PLD5: variants seen among roughly 807,000 people sequenced by gnomAD.
PLD5 encodes the protein phospholipase D family member 5.
PLD5 carries 36 observed loss-of-function variants against 61.1 expected under a neutral mutation model. That is an observed-to-expected ratio of 0.59 (90% confidence interval 0.45 to 0.78). The LOEUF (loss-of-function observed/expected upper bound fraction) is 0.78, where lower values mean the gene tolerates loss of function less well. Among genes scored for constraint, PLD5 ranks in the 30% least tolerant of loss-of-function variants. The probability of loss-of-function intolerance (pLI) is 0.00; values close to 1 mark genes in which losing one functional copy is unlikely to be tolerated. For synonymous variants in PLD5, 243 were observed against 242.8 expected, an observed-to-expected ratio of 1.00 and a Z score of -0.01; for missense variants, 515 against 644.4, an observed-to-expected ratio of 0.80 and a Z score of 2.17.
At chr1:242,195,172 T>C (rs316830) in intron 5 of PLD5, among the ~76,000 whole-genome samples, 4,912 of 152,312 alleles carry the variant, frequency 0.032, 265 homozygotes, top group African/African-American at 0.11. Context: ...CTCAGCAATA[T>C]GCTTTTTAGG....
intron 1 of PLD5, among the ~76,000 whole-genome samples, chr1:242,467,524 A>G (rs1667313372): frequency 6.6e-6 from 1 of 152,168 alleles, no homozygotes; most frequent in African/African-American, 2.4e-5. Flanking sequence ...TCCTGTAGCA[A>G]TCTCGTTTCT....
intron 1 of PLD5, among the ~76,000 whole-genome samples, chr1:242,484,788 A>C (rs2102967615): frequency 6.6e-6 from 1 of 152,370 alleles, no homozygotes; most frequent in South Asian, 2.1e-4. Flanking sequence ...ATCCCTGATG[A>C]ACATCGATGC....
intron 1 of PLD5, among the ~76,000 whole-genome samples, chr1:242,510,495 C>T (rs1241275288): frequency 6.6e-6 from 1 of 152,210 alleles, no homozygotes; most frequent in Non-Finnish European, 1.5e-5. Context: ...TCTCCATCAT[C>T]TGAATGAGAG....
intron 1 of PLD5, among the ~76,000 whole-genome samples, chr1:242,353,088 GA>G: frequency 6.6e-6 from 1 of 152,116 alleles, no homozygotes. Flanking sequence ...CTTTCGAGGT[GA>G]AATGTAAAAA....
chr1:242,160,443 G>A (rs1301227885), intron 5 of PLD5, among the ~76,000 whole-genome samples: 2 of 152,130 alleles, frequency 1.3e-5, no homozygotes, highest in Non-Finnish European at 2.9e-5. Context: ...TAACATTCCT[G>A]AGATAACAGG....
At chr1:242,462,757 C>T (rs1328969067) in intron 1 of PLD5, among the ~76,000 whole-genome samples, 2 of 152,160 alleles carry the variant, frequency 1.3e-5, no homozygotes, top group Non-Finnish European at 2.9e-5. Flanking sequence ...CACTGTTCCT[C>T]ACTGCCACTT....
intron 1 of PLD5, among the ~76,000 whole-genome samples, chr1:242,416,060 A>G (rs6429353): frequency 0.41 from 61,550 of 151,666 alleles, 13,116 homozygotes; most frequent in African/African-American, 0.54. Context: ...AAACTCTTAA[A>G]CTTTCAGTAA....
At chr1:242,363,018 A>G (rs1330972425) in intron 1 of PLD5, among the ~76,000 whole-genome samples, 2 of 152,176 alleles carry the variant, frequency 1.3e-5, no homozygotes, top group Non-Finnish European at 2.9e-5. Context: ...GATTTTAGAA[A>G]GGCTAGAGTT....
chr1:242,324,415 TC>T (rs1658621063), intron 2 of PLD5, among the ~76,000 whole-genome samples: 21 of 152,204 alleles, frequency 1.4e-4, no homozygotes, highest in Admixed American at 1.4e-3. Flanking sequence ...TTGCGTGAAA[TC>T]ACCTTTGCAA....
At chr1:242,195,061 GA>G (rs1574492087) in intron 5 of PLD5, among the ~76,000 whole-genome samples, 1 of 152,050 alleles carries the variant, frequency 6.6e-6, no homozygotes, top group South Asian at 2.1e-4. Flanking sequence ...AGATAACAAG[GA>G]AAAAAAGTAT....
chr1:242,530,427 T>C, the PLD5 span, among the ~76,000 whole-genome samples: 1 of 152,184 alleles, frequency 6.6e-6, no homozygotes, highest in African/African-American at 2.4e-5. Context: ...ATAGGATAGT[T>C]GAAATAATCT....
chr1:242,335,711 T>C (rs925583556), intron 2 of PLD5, among the ~76,000 whole-genome samples: 3 of 152,206 alleles, frequency 2.0e-5, no homozygotes, highest in African/African-American at 7.2e-5. Flanking sequence ...AGAGTAAATG[T>C]TACAATTATT....
At chr1:242,297,639 T>C (rs1185535205) in intron 2 of PLD5, among the ~76,000 whole-genome samples, 1,694 of 44,540 alleles carry the variant, frequency 0.038, 74 homozygotes, top group African/African-American at 0.11. Flanking sequence ...TTTTTTTTTT[T>C]TTTTTTTTTT....
At chr1:242,258,249 C>T (rs915016751) in intron 4 of PLD5, among the ~76,000 whole-genome samples, 3 of 152,084 alleles carry the variant, frequency 2.0e-5, no homozygotes, top group Non-Finnish European at 4.4e-5. Flanking sequence ...TGTAAAGACC[C>T]CCACATTTCT....
At chr1:242,249,380 T>C (rs1027178107) in intron 4 of PLD5, among the ~76,000 whole-genome samples, 1 of 152,196 alleles carries the variant, frequency 6.6e-6, no homozygotes, top group Non-Finnish European at 1.5e-5. Flanking sequence ...AGAAATAAAT[T>C]TCTGTTCTTT....
At position 242,351,076 on chromosome 1, in the gene PLD5, T is replaced by G. The variant is rs765953152; in HGVS notation, c.190-2834A>C. On this transcript the variant is annotated intron_variant, in intron 1 of 9. Coordinates refer to ENST00000536534, the MANE Select transcript of PLD5 (RefSeq NM_001372062.1). ...ACCACTACAACCAGCTAATTTTATA[T>G]TTTTAGTAGAGATGGGGTTTCTCCA... 2.0e-4 allele frequency among the ~76,000 whole-genome samples: 31 copies of G among 152,156 alleles called. 1 individual carries two copies. Among genetic ancestry groups the G allele is most frequent in the Non-Finnish European group, 3.8e-4 (26 of 67,980 alleles).
At chr1:242,369,332 T>TA (rs75463651) in intron 1 of PLD5, among the ~76,000 whole-genome samples, 2,588 of 152,320 alleles carry the variant, frequency 0.017, 44 homozygotes, top group East Asian at 0.047. Context: ...TGGCAGTTTT[T>TA]ATCAGAATTT....
chr1:242,237,221 C>T (rs952322753), intron 4 of PLD5, among the ~76,000 whole-genome samples: 1 of 151,684 alleles, frequency 6.6e-6, no homozygotes, highest in East Asian at 1.9e-4. Context: ...AATATCAGAG[C>T]TGGTATCATG....
At chr1:242,170,917 T>G (rs1452021585) in intron 5 of PLD5, among the ~76,000 whole-genome samples, 2 of 152,196 alleles carry the variant, frequency 1.3e-5, no homozygotes, top group African/African-American at 4.8e-5. Flanking sequence ...TACACTTGAT[T>G]GGTGTACCTG....
Sources: allele counts gnomAD v4.1 joint callset (sites outside exome capture counted in the v4.1 genomes callset), GRCh38; gene constraint gnomAD v4.1.1; transcripts MANE v1.5; gene names NCBI Gene and HGNC (gene_info 2026-07-23, HGNC 2026-07-21).